Variants in MICAL2 observed in about 807,000 individuals in gnomAD.
MICAL2 encodes the protein [F-actin]-monooxygenase MICAL2.
MICAL2 carries 77 observed loss-of-function variants against 127.3 expected under a neutral mutation model. That is an observed-to-expected ratio of 0.60 (90% CI 0.50 to 0.73). The LOEUF is 0.73. Among genes scored for constraint, MICAL2 ranks in the 30% least tolerant of loss-of-function variants. The pLI is 0.00. For synonymous variants in MICAL2, 570 were observed against 551.1 expected, an observed-to-expected ratio of 1.03 and a Z score of -0.48; for missense variants, 1,351 against 1,434.4, an observed-to-expected ratio of 0.94 and a Z score of 0.94.
chr11:12,147,002 T>C (rs1458206396), intron 2 of MICAL2, among the ~76,000 whole-genome samples: 2 of 151,868 alleles, frequency 1.3e-5, no homozygotes, highest in African/African-American at 2.4e-5. Context: ...TAGGTGGAAG[T>C]TGAACAATGA....
chr11:12,227,174 G>A, intron 15 of MICAL2, 43 bp downstream of exon 15: 1 of 1,371,060 alleles, frequency 7.3e-7, no homozygotes, highest in Non-Finnish European at 1.0e-6. Flanking sequence ...CATTGCACAT[G>A]GACGGGGTAT....
downstream of MICAL2, chr11:12,294,259 C>T (rs1863944571): frequency 6.2e-7 from 1 of 1,614,154 alleles, no homozygotes; most frequent in Non-Finnish European, 8.5e-7. Context: ...TAGCCAATGC[C>T]ATCCGAAGGT....
At chr11:12,181,207 G>A (rs1857438417) in intron 3 of MICAL2, among the ~76,000 whole-genome samples, 1 of 152,186 alleles carries the variant, frequency 6.6e-6, no homozygotes, top group Non-Finnish European at 1.5e-5. Flanking sequence ...GCCTCCCAAA[G>A]CGCTAGGATT....
intron 1 of MICAL2, among the ~76,000 whole-genome samples, chr11:12,277,465 A>T (rs1863734365): frequency 6.6e-6 from 1 of 152,202 alleles, no homozygotes; most frequent in African/African-American, 2.4e-5. Context: ...CTTTGCAGAC[A>T]AATTCCCACA....
At chr11:12,270,200 T>C (rs1274883737) in intron 24 of MICAL2, among the ~76,000 whole-genome samples, 1 of 152,164 alleles carries the variant, frequency 6.6e-6, no homozygotes, top group Non-Finnish European at 1.5e-5. Context: ...TGGGGACTTG[T>C]AGTGTCCCCT....
chr11:12,254,719 C>G (rs1427799892), intron 22 of MICAL2: 1 of 152,116 alleles, frequency 6.6e-6, no homozygotes, highest in East Asian at 1.9e-4. Flanking sequence ...ATAGACCGTT[C>G]CCTTCTCTGG....
chr11:12,340,093 G>C (rs1565310035), intron 32 of MICAL2, among the ~76,000 whole-genome samples: 1 of 152,148 alleles, frequency 6.6e-6, no homozygotes, highest in African/African-American at 2.4e-5. Flanking sequence ...ATCCACAGTT[G>C]GTTGAATCTG....
intron 1 of MICAL2, among the ~76,000 whole-genome samples, chr11:12,123,980 A>G (rs1005801328): frequency 6.6e-6 from 1 of 152,204 alleles, no homozygotes; most frequent in East Asian, 1.9e-4. Context: ...CCAAGACTCT[A>G]TGAGCTTTGC....
chr11:12,128,234 A>G (rs1851110598), intron 1 of MICAL2, among the ~76,000 whole-genome samples: 1 of 152,262 alleles, frequency 6.6e-6, no homozygotes, highest in Non-Finnish European at 1.5e-5. Context: ...TTACCACCAG[A>G]TCTTACCTTG....
chr11:12,351,673 G>A (rs1188861461), intron 33 of MICAL2, among the ~76,000 whole-genome samples: 1 of 152,186 alleles, frequency 6.6e-6, no homozygotes, highest in Non-Finnish European at 1.5e-5. Context: ...GTGAGGAAGG[G>A]TAGGGTTGGG....
At chr11:12,314,534 AG>A (rs916846947) in intron 29 of MICAL2, among the ~76,000 whole-genome samples, 2 of 151,854 alleles carry the variant, frequency 1.3e-5, no homozygotes, top group African/African-American at 4.8e-5. Flanking sequence ...GCTGGAGTGC[AG>A]TGGCGCGATC....
chr11:12,340,287 A>T (rs2134879602), intron 32 of MICAL2, among the ~76,000 whole-genome samples: 1 of 152,388 alleles, frequency 6.6e-6, no homozygotes, highest in South Asian at 2.1e-4. Context: ...ATGTCCAATA[A>T]ATCTGTGAAA....
At chr11:12,216,438 C>G (rs965024819) in intron 8 of MICAL2, 119 bp downstream of exon 8, 3 of 704,762 alleles carry the variant, frequency 4.3e-6, no homozygotes, top group Non-Finnish European at 5.0e-6. Context: ...GGGAAGGTGC[C>G]ACCAGCTTAC....
intron 31 of MICAL2, among the ~76,000 whole-genome samples, chr11:12,324,506 C>G (rs1048752328): frequency 1.3e-5 from 2 of 152,330 alleles, no homozygotes. Context: ...TCATAAGTAT[C>G]TAGCATTCCA....
At chr11:12,269,763 T>A (rs773222548) in intron 24 of MICAL2, among the ~76,000 whole-genome samples, 8 of 152,232 alleles carry the variant, frequency 5.3e-5, no homozygotes, top group Admixed American at 1.3e-4. Flanking sequence ...AGGCTACTGC[T>A]AGGGCCAGCC....
At position 12,222,652 on chromosome 11, in the gene MICAL2, C is replaced by T. The variant is rs375247527; in HGVS notation, c.1358C>T (p.Pro453Leu). 14 of 1,614,108 alleles carry T rather than the reference C, an allele frequency of 8.7e-6. No individual in the cohort carries two copies. The highest frequency in any genetic ancestry group is 8.3e-5 in the Admixed American group (5 of 60,010). The change falls in exon 11 of 28, where the codon CCG (proline) becomes CTG (leucine). Residue 453 changes from proline (P) to leucine (L), a missense_variant. Pro to Leu is a moderately conservative substitution (Grantham distance 98, BLOSUM62 -3). Transcript: ENST00000683283. ...TACCGGCTGTTACCTCAGACAACCC[C>T]GGAGAACATCAACAAGAACTTTGAG... Reference protein sequence around the residue: ...SLYRLLPQTTPENINKNFEQY... With the variant: ...SLYRLLPQTTLENINKNFEQY...
At chr11:12,351,876 C>T (rs1478437024) in intron 33 of MICAL2, among the ~76,000 whole-genome samples, 5 of 150,150 alleles carry the variant, frequency 3.3e-5, no homozygotes, top group Non-Finnish European at 1.5e-5. Flanking sequence ...CTGCAGCCTC[C>T]ACCTCCTGGG....
At chr11:12,239,631 T>A in intron 17 of MICAL2, 46 bp downstream of exon 17, 1 of 1,596,152 alleles carries the variant, frequency 6.3e-7, no homozygotes, top group Non-Finnish European at 8.5e-7. Context: ...CTGGTGACTT[T>A]TCAGCAGGAA....
At chr11:12,155,439 TAC>T (rs1336347168) in intron 2 of MICAL2, among the ~76,000 whole-genome samples, 1 of 152,114 alleles carries the variant, frequency 6.6e-6, no homozygotes, top group African/African-American at 2.4e-5. Flanking sequence ...CATGCATATA[TAC>T]ACACATGCAC....
Sources: allele counts gnomAD v4.1 joint callset (sites outside exome capture counted in the v4.1 genomes callset), GRCh38; gene constraint gnomAD v4.1.1; transcripts MANE v1.5; gene names NCBI Gene and HGNC (gene_info 2026-07-23, HGNC 2026-07-21).